Variants in IGF2R observed in about 807,000 individuals in gnomAD.
IGF2R encodes the protein insulin like growth factor 2 receptor.
In IGF2R, 91 loss-of-function variants were observed where a neutral mutation model predicts 270.6. That is an observed-to-expected ratio of 0.34 (90% CI 0.28 to 0.40). The LOEUF (loss-of-function observed/expected upper bound fraction) is 0.40, where lower values mean the gene tolerates loss of function less well. Among genes scored for constraint, IGF2R ranks in the 10% least tolerant of loss-of-function variants. The pLI is 1.00. For missense variants in IGF2R, 2,805 were observed against 3,188.3 expected, an observed-to-expected ratio of 0.88 and a Z score of 2.90; for synonymous variants, 1,316 against 1,258.9, an observed-to-expected ratio of 1.05 and a Z score of -0.96.
At chr6:160,014,543 G>T (rs547835987) in intron 4 of IGF2R, among the ~76,000 whole-genome samples, 1 of 152,314 alleles carries the variant, frequency 6.6e-6, no homozygotes, top group Admixed American at 6.5e-5. Flanking sequence ...TGCCTATGTG[G>T]AATCCTCTAA....
At chr6:160,008,247 A>G (rs1475426356) in intron 2 of IGF2R, among the ~76,000 whole-genome samples, 12 of 152,070 alleles carry the variant, frequency 7.9e-5, no homozygotes, top group African/African-American at 2.7e-4. Context: ...CTTTTTCCAT[A>G]TGGAAAACTA....
chr6:160,072,956 G>A, intron 33 of IGF2R, 72 bp downstream of exon 33: 1 of 1,531,434 alleles, frequency 6.5e-7, no homozygotes, highest in Non-Finnish European at 8.8e-7. Context: ...CTCTTTGCAT[G>A]CTAATGGCAA....
At chr6:159,976,938 C>G (rs1183054756) in intron 1 of IGF2R, among the ~76,000 whole-genome samples, 1 of 152,150 alleles carries the variant, frequency 6.6e-6, no homozygotes, top group Admixed American at 6.5e-5. Flanking sequence ...TTTTCTTTGC[C>G]CTAACTCTTC....
intron 7 of IGF2R, among the ~76,000 whole-genome samples, chr6:160,031,847 G>A (rs1777704381): frequency 6.6e-6 from 1 of 152,196 alleles, no homozygotes; most frequent in Non-Finnish European, 1.5e-5. Context: ...AGTAAGTCGT[G>A]TCTCCTAAGG....
chr6:159,988,186 A>G (rs910976763), intron 1 of IGF2R, among the ~76,000 whole-genome samples: 39 of 152,256 alleles, frequency 2.6e-4, no homozygotes, highest in Admixed American at 2.3e-3. Context: ...CCTTATTTAG[A>G]TATCCCCTTT....
At chr6:159,970,272 TTTG>T (rs1783590424) in intron 1 of IGF2R, among the ~76,000 whole-genome samples, 4 of 152,302 alleles carry the variant, frequency 2.6e-5, no homozygotes, top group Admixed American at 2.6e-4. Flanking sequence ...AAATTCAGCT[TTTG>T]TTTATTTTTT....
chr6:160,096,509 C>T lies in IGF2R; in HGVS notation c.6726C>T (p.Ser2242=), dbSNP rs747858295. ...AGGATAAGACCAAGTCTGTTTCTTC[C>T]ACCATCTTCTTCCACTGTGACCCTC... ...CGKDKTKSVS[S]TIFFHCDPLV... Residue 2242 remains serine, a synonymous_variant, in exon 45 of 48, where the codon TCC becomes TCT. Coordinates refer to ENST00000356956, the MANE Select transcript of IGF2R (RefSeq NM_000876.4). 2 of 1,614,004 alleles carry T rather than the reference C, an allele frequency of 1.2e-6. No homozygotes were observed. The highest frequency in any genetic ancestry group is 1.7e-6 in the Non-Finnish European group (2 of 1,180,006).
At chr6:160,094,011 A>G in intron 44 of IGF2R, 1 of 638,088 alleles carries the variant, frequency 1.6e-6, no homozygotes, top group East Asian at 3.8e-5. Flanking sequence ...CAGACAGCAA[A>G]CTATTCCTTG....
At chr6:160,063,284 G>T (rs570701344) in intron 26 of IGF2R, 131 bp from the exon 27 acceptor site, 8 of 689,268 alleles carry the variant, frequency 1.2e-5, no homozygotes, top group Admixed American at 2.2e-5. Flanking sequence ...TAATCCACCC[G>T]CCTCAGCCTC....
At chr6:160,057,887 T>C (rs1412839298) in intron 20 of IGF2R, 136 bp from the exon 21 acceptor site, 1 of 610,154 alleles carries the variant, frequency 1.6e-6, no homozygotes, top group East Asian at 2.9e-5. Context: ...ACATTTTTGA[T>C]AGGGATTTTG....
In IGF2R at chr6:160,102,786, G is replaced by C. The variant is rs776867037; in HGVS notation, c.6995+115G>C. 16 of 1,233,924 alleles carry C rather than the reference G, an allele frequency of 1.3e-5. No homozygotes were observed. The highest frequency in any genetic ancestry group is 2.6e-5 in the East Asian group (1 of 38,308). The allele number at this position is 1,233,924 out of a possible 1,614,324, so 76.4% of individuals were successfully genotyped here. A position where few individuals can be genotyped will look rare whatever the true frequency, so the allele number is the denominator to read the frequency against. Reference sequence around the variant, plus strand: ...GTTTTTAAGCCCTACAGCAGCGAAGGCTCGAGGTTCTTAGTCCAAAACTCT... The same window carrying C: ...GTTTTTAAGCCCTACAGCAGCGAAGCCTCGAGGTTCTTAGTCCAAAACTCT... On this transcript the variant is annotated intron_variant, in intron 46 of 47. Coordinates refer to ENST00000356956, the MANE Select transcript of IGF2R (RefSeq NM_000876.4). The surrounding 1 kb of genome is among the most constrained non-coding windows in gnomAD (Gnocchi z 4.5).
At chr6:160,097,759 G>T (rs1779398290) in intron 45 of IGF2R, among the ~76,000 whole-genome samples, 1 of 152,196 alleles carries the variant, frequency 6.6e-6, no homozygotes, top group Non-Finnish European at 1.5e-5. Flanking sequence ...GCAGACGACA[G>T]TGGTGGGGGT....
In IGF2R at chr6:160,102,457, G is replaced by GT; in HGVS notation, c.6843-60dup. ...CTTGCCTTGGGGACTCAGGTCTCAG[G>GT]TTGTGGCTGTGGCAGCAGGACCACC... On this transcript the variant is annotated intron_variant, in intron 45 of 47. Coordinates refer to ENST00000356956, the MANE Select transcript of IGF2R (RefSeq NM_000876.4). The surrounding 1 kb of genome is among the most constrained non-coding windows in gnomAD (Gnocchi z 4.5). 6.4e-7 allele frequency: 1 copy of GT among 1,572,206 alleles called. No homozygotes were observed. The highest frequency in any genetic ancestry group is 8.7e-7 in the Non-Finnish European group (1 of 1,151,660).
At chr6:159,999,449 G>A (rs1246227029) in intron 2 of IGF2R, among the ~76,000 whole-genome samples, 2 of 152,172 alleles carry the variant, frequency 1.3e-5, no homozygotes, top group African/African-American at 4.8e-5. Context: ...CGGCTCCAGA[G>A]CCTGTGTACT....
At chr6:160,066,012 GTTTT>G (rs561582188) in intron 29 of IGF2R, among the ~76,000 whole-genome samples, 2 of 118,324 alleles carry the variant, frequency 1.7e-5, no homozygotes. Context: ...TTTTTGTGGT[GTTTT>G]TTTTTTTTTT....
rs771777664 is a variant in IGF2R at position 160,029,693 on chromosome 6, A to G, written c.882+38A>G. The stretch of plus-strand genomic sequence containing the variant: ...TCTCCTGATCACTAATGTGGCGCAC[A>G]GTAGCCTGGGTTGCCCATGCGAACG... On this transcript the variant is annotated intron_variant, in intron 7 of 47. Transcript: ENST00000356956. The G allele has an allele frequency of 1.4e-5, 20 of 1,472,346 alleles. No homozygotes were observed. In the East Asian group the frequency reaches 2.0e-4, roughly 15 times the overall value. The allele number at this position is 1,472,346 out of a possible 1,614,324, so 91.2% of individuals were successfully genotyped here. A position where few individuals can be genotyped will look rare whatever the true frequency, so the allele number is the denominator to read the frequency against.
intron 36 of IGF2R, among the ~76,000 whole-genome samples, chr6:160,076,664 C>T (rs193260584): frequency 6.6e-6 from 1 of 152,290 alleles, no homozygotes; most frequent in Admixed American, 6.5e-5. Flanking sequence ...GCTCTTTGCT[C>T]CAGGGACACA....
Position 159,990,491 on chromosome 6 carries a change from T to C in IGF2R, c.150-693T>C, listed in dbSNP as rs540676160. 1.2e-4 allele frequency among the ~76,000 whole-genome samples: 18 copies of C among 152,342 alleles called. No individual in the cohort carries two copies. The East Asian group carries it at 3.1e-3, about 26-fold the overall frequency. On this transcript the variant is annotated intron_variant, in intron 1 of 47. Transcript: ENST00000356956. ...GATTGTAAGTTTCTTGAGGCCTCCC[T>C]AGCCATGCTTAACTATGAGTCAATT...
intron 1 of IGF2R, among the ~76,000 whole-genome samples, chr6:159,984,412 T>A (rs1160351342): frequency 2.0e-5 from 3 of 152,114 alleles, no homozygotes; most frequent in Non-Finnish European, 4.4e-5. Flanking sequence ...GTCCTAGGCC[T>A]TTAGGTCCAC....
Sources: gnomAD v4.1 joint callset for allele counts (sites outside exome capture counted in the v4.1 genomes callset) on GRCh38, gnomAD v4.1.1 for gene constraint, Gnocchi (gnomAD v3.1) non-coding constraint, MANE v1.5 for transcripts, NCBI Gene and HGNC (gene_info 2026-07-23, HGNC 2026-07-21) for gene names.